CCDC171: variants seen among roughly 807,000 people sequenced by gnomAD.
The protein encoded by CCDC171 is coiled-coil domain containing 171.
CCDC171 carries 177 observed loss-of-function variants against 168.2 expected under a neutral mutation model. That is an observed-to-expected ratio of 1.05 (90% CI 0.93 to 1.19). The LOEUF is 1.19. Among genes scored for constraint, CCDC171 ranks in the 50% most tolerant of loss-of-function variants. The pLI is 0.00. For missense variants in CCDC171, 1,991 were observed against 1,539.0 expected (o/e 1.29, Z -4.91); for synonymous variants, 687 against 540.8 (o/e 1.27, Z -3.75).
At chr9:15,656,321 CAAAA>C (rs1163329115) in intron 7 of CCDC171, among the ~76,000 whole-genome samples, 3 of 89,846 alleles carry the variant, frequency 3.3e-5, no homozygotes, top group African/African-American at 1.2e-4. Context: ...GACTCCGTCT[CAAAA>C]AAAAAAAAAA....
chr9:15,941,878 C>G (rs1827777341), intron 25 of CCDC171, among the ~76,000 whole-genome samples: 1 of 151,852 alleles, frequency 6.6e-6, no homozygotes, highest in Admixed American at 6.6e-5. Flanking sequence ...TTTGTTTTTA[C>G]TTACATTCAG....
At chr9:15,797,776 G>T (rs2058632481) in intron 21 of CCDC171, among the ~76,000 whole-genome samples, 1 of 152,062 alleles carries the variant, frequency 6.6e-6, no homozygotes. Context: ...ATGTGAAAAA[G>T]ATTTTACCTT....
downstream of CCDC171, among the ~76,000 whole-genome samples, chr9:16,065,150 AC>A (rs1833977633): frequency 6.6e-6 from 1 of 152,270 alleles, no homozygotes; most frequent in African/African-American, 2.4e-5. Flanking sequence ...ATAGCCACTT[AC>A]CAAAGTTGCT....
chr9:15,566,557 TCAACAA>T lies in CCDC171; in HGVS notation c.41+2441_41+2446del, dbSNP rs373782496. ...CAGGGTGACAGAGCGAGACTTTGTC[TCAACAA>T]CAACAACAACAAAAAATAAGATATA... is the stretch of plus-strand genomic sequence containing the variant. On this transcript the variant is annotated intron_variant, in intron 2 of 25. Coordinates refer to ENST00000380701, the MANE Select transcript of CCDC171 (RefSeq NM_173550.4). 4.6e-4 allele frequency among the ~76,000 whole-genome samples: 70 copies of T among 152,274 alleles called. 1 individual carries two copies. The highest frequency in any genetic ancestry group is 1.6e-3 in the African/African-American group (66 of 41,556).
intron 7 of CCDC171, among the ~76,000 whole-genome samples, chr9:15,631,280 CTAAT>C (rs1378393679): frequency 6.6e-6 from 1 of 150,912 alleles, no homozygotes; most frequent in Non-Finnish European, 1.5e-5. Flanking sequence ...GCTAGCAAGA[CTAAT>C]AAAGAAGAAA....
At chr9:15,597,755 G>A (rs1312855473) in intron 6 of CCDC171, among the ~76,000 whole-genome samples, 2 of 152,140 alleles carry the variant, frequency 1.3e-5, no homozygotes, top group African/African-American at 2.4e-5. Context: ...GTAGAATTCG[G>A]CTGTGAATCC....
At chr9:15,816,534 CT>C (rs1480578628) in intron 21 of CCDC171, among the ~76,000 whole-genome samples, 1 of 117,416 alleles carries the variant, frequency 8.5e-6, no homozygotes, top group African/African-American at 3.3e-5. Flanking sequence ...GAAGTATAGA[CT>C]ATACGTATGC....
rs1005781804 is a variant in CCDC171 at position 15,991,578 on chromosome 9, T to C, written n.369-29011T>C. Among the ~76,000 whole-genome samples the C allele has an allele frequency of 1.4e-4, 22 of 151,956 alleles. 1 individual carries two copies. The highest frequency in any genetic ancestry group is 4.8e-4 in the African/African-American group (20 of 41,380). ...AGCAGAAGGCAAGAAATAACTAAGA[T>C]CAGAGCAGAACTGAAGGAGATACAG... On this transcript the variant is annotated intron_variant and non_coding_transcript_variant, in intron 3 of 9. Transcript: ENST00000486641.
rs1481357258 is a variant in CCDC171, at chr9:15,764,904, A to G, written c.2672-12696A>G. Among the ~76,000 whole-genome samples, 6 of 152,274 alleles carry G rather than the reference A, an allele frequency of 3.9e-5. No homozygotes were observed. In the East Asian group the frequency reaches 7.7e-4, roughly 20 times the overall value. ...ACTGCTTTGGGGAGTGAGTATAGCTAGAAGAGCTCTGAGGATTTGTGGACC... is the reference window on the plus strand; with the variant it reads ...ACTGCTTTGGGGAGTGAGTATAGCTGGAAGAGCTCTGAGGATTTGTGGACC... On this transcript the variant is annotated intron_variant, in intron 18 of 25. Transcript: ENST00000380701.
At chr9:16,085,473 A>G in the CCDC171 span, among the ~76,000 whole-genome samples, 2 of 152,178 alleles carry the variant, frequency 1.3e-5, no homozygotes, top group Non-Finnish European at 2.9e-5. Context: ...CAGCTCCAAG[A>G]CAGGCAATTC....
intron 1 of CCDC171, among the ~76,000 whole-genome samples, chr9:15,558,530 C>T (rs148526521): frequency 0.061 from 9,205 of 152,058 alleles, 361 homozygotes; most frequent in African/African-American, 0.11. Context: ...TAGTGGTGTT[C>T]ATAGTATTCT....
At chr9:15,750,714 G>A (rs538124369) in intron 18 of CCDC171, among the ~76,000 whole-genome samples, 10 of 152,070 alleles carry the variant, frequency 6.6e-5, no homozygotes, top group Non-Finnish European at 1.5e-4. Flanking sequence ...AAAGGCCTTC[G>A]ACAAAATTCA....
intron 3 of CCDC171, among the ~76,000 whole-genome samples, chr9:16,006,168 G>T (rs200754427): frequency 6.6e-6 from 1 of 152,048 alleles, no homozygotes; most frequent in East Asian, 1.9e-4. Flanking sequence ...AACCAAGAAG[G>T]TTCTAGACTG....
chr9:15,610,322 C>T (rs911671586), intron 6 of CCDC171, among the ~76,000 whole-genome samples: 1 of 150,718 alleles, frequency 6.6e-6, no homozygotes, highest in Admixed American at 6.6e-5. Flanking sequence ...ACCTCCTGGG[C>T]TCGGCTGGGC....
intron 10 of CCDC171, among the ~76,000 whole-genome samples, chr9:15,682,775 T>C (rs1371898529): frequency 1.3e-5 from 2 of 152,126 alleles, no homozygotes; most frequent in East Asian, 3.8e-4. Context: ...ACACAGAATA[T>C]GAAACTTGAC....
chr9:15,971,395 C>G (rs1353082901), intron 25 of CCDC171, among the ~76,000 whole-genome samples: 1 of 151,974 alleles, frequency 6.6e-6, no homozygotes, highest in East Asian at 1.9e-4. Context: ...TTCTTGTTGT[C>G]TAGAAAAGTT....
At chr9:15,666,764 G>C (rs2048766170) in intron 9 of CCDC171, among the ~76,000 whole-genome samples, 1 of 152,118 alleles carries the variant, frequency 6.6e-6, no homozygotes, top group Non-Finnish European at 1.5e-5. Context: ...GTTCAAGGCT[G>C]AAGTGAGCTA....
intron 11 of CCDC171, among the ~76,000 whole-genome samples, chr9:15,721,515 T>C (rs1484212590): frequency 6.6e-6 from 1 of 150,822 alleles, no homozygotes; most frequent in Non-Finnish European, 1.5e-5. Context: ...AAATTTAAAT[T>C]TGATATATTA....
intron 3 of CCDC171, among the ~76,000 whole-genome samples, chr9:16,010,464 A>G (rs936458496): frequency 6.6e-6 from 1 of 152,046 alleles, no homozygotes; most frequent in Non-Finnish European, 1.5e-5. Context: ...GGGCAGCCAT[A>G]TGTGTCTCTC....
Sources: allele counts gnomAD v4.1 joint callset (sites outside exome capture counted in the v4.1 genomes callset), GRCh38; gene constraint gnomAD v4.1.1; transcripts MANE v1.5; gene names NCBI Gene and HGNC (gene_info 2026-07-23, HGNC 2026-07-21).